Variants in SUPT3H observed in about 807,000 individuals in gnomAD.
SUPT3H encodes SPT3 homolog, SAGA and STAGA complex component, also known as transcription initiation protein SPT3 homolog.
SUPT3H carries 44 observed loss-of-function variants against 44.3 expected under a neutral mutation model. The ratio of observed to expected loss-of-function variants is 0.99; its 90% CI spans 0.78 to 1.28. SUPT3H has a LOEUF of 1.28. Ranked by LOEUF, SUPT3H falls within the 50% of genes most tolerant of loss-of-function variation. SUPT3H has a pLI of 0.00. For missense variants in SUPT3H, 380 were observed against 387.1 expected (o/e 0.98, Z 0.15); for synonymous variants, 124 against 125.6 (o/e 0.99, Z 0.09).
intron 3 of SUPT3H, among the ~76,000 whole-genome samples, chr6:45,067,690 C>T (rs1318859690): frequency 1.3e-5 from 2 of 150,036 alleles, no homozygotes; most frequent in Non-Finnish European, 3.0e-5. Flanking sequence ...GACATTTATG[C>T]AGCCAAGAAA....
chr6:45,167,380 T>TA (rs1429196415), intron 2 of SUPT3H, among the ~76,000 whole-genome samples: 49 of 152,210 alleles, frequency 3.2e-4, no homozygotes, highest in Admixed American at 3.2e-3. Context: ...TACTAAATGA[T>TA]AACTAAGCAC....
intron 2 of SUPT3H, chr6:45,322,827 A>AC: frequency 6.8e-7 from 1 of 1,460,200 alleles, no homozygotes; most frequent in Non-Finnish European, 9.6e-7. Flanking sequence ...ACTTTCTCCA[A>AC]CCACAGTTAG....
chr6:44,990,389 G>A (rs1780450219), intron 6 of SUPT3H, among the ~76,000 whole-genome samples: 1 of 152,086 alleles, frequency 6.6e-6, no homozygotes, highest in African/African-American at 2.4e-5. Context: ...AGTGTTGGAG[G>A]TGGGGCCTGG....
intron 2 of SUPT3H, among the ~76,000 whole-genome samples, chr6:45,262,375 G>T (rs1343061566): frequency 6.6e-6 from 1 of 152,008 alleles, no homozygotes; most frequent in Non-Finnish European, 1.5e-5. Flanking sequence ...ACAACCACCT[G>T]ATCTTCAACA....
chr6:45,188,731 T>C (rs941786887), intron 2 of SUPT3H, among the ~76,000 whole-genome samples: 6 of 152,076 alleles, frequency 3.9e-5, no homozygotes, highest in African/African-American at 9.7e-5. Flanking sequence ...CAACATCATT[T>C]CATGATTTAA....
intron 2 of SUPT3H, among the ~76,000 whole-genome samples, chr6:45,166,862 AGACT>A (rs981642279): frequency 2.0e-5 from 3 of 152,204 alleles, no homozygotes; most frequent in Admixed American, 6.5e-5. Context: ...AAAAGTTAAA[AGACT>A]GACAAGAGCA....
rs77114003 is a variant in SUPT3H at position 45,055,607 on chromosome 6, T to C, written c.187-34975A>G. On this transcript the variant is annotated intron_variant, in intron 3 of 10. Coordinates refer to ENST00000371459, the MANE Select transcript of SUPT3H (RefSeq NM_003599.4). The stretch of plus-strand genomic sequence containing the variant: ...TATTCAACAAATGGTGCTGGGATAA[T>C]TGGCAAGCTACACGTAGAAGAATGA... 3.9e-3 allele frequency among the ~76,000 whole-genome samples: 594 copies of C among 152,188 alleles called. 7 individuals carry two copies. The highest frequency in any genetic ancestry group is 0.014 in the African/African-American group (565 of 41,524).
At position 44,908,352 on chromosome 6, in the gene SUPT3H, C is replaced by T. The variant is rs146694561; in HGVS notation, c.912+24301G>A. ...AATTTTAGTAGAGACGGGGTTTTAC[C>T]GTGTTAGCCAGGATGGTCTCGATCT... On this transcript the variant is annotated intron_variant, in intron 10 of 10. Transcript: ENST00000371459. Among the ~76,000 whole-genome samples the T allele has an allele frequency of 9.8e-3, 1,485 of 151,906 alleles. 13 individuals are homozygous for T. The highest frequency in any genetic ancestry group is 0.015 in the Non-Finnish European group (1,036 of 67,946).
intron 2 of SUPT3H, among the ~76,000 whole-genome samples, chr6:45,179,406 C>A (rs1812673771): frequency 1.3e-5 from 2 of 152,162 alleles, no homozygotes; most frequent in South Asian, 2.1e-4. Flanking sequence ...GATACCAAAG[C>A]CGGGCAGAGA....
downstream of SUPT3H, among the ~76,000 whole-genome samples, chr6:44,822,778 A>ATT (rs1463658463): frequency 6.6e-5 from 10 of 152,228 alleles, no homozygotes; most frequent in Non-Finnish European, 7.3e-5. Flanking sequence ...AATTGATGAG[A>ATT]TTAAACAAAG....
In SUPT3H at chr6:45,350,506, G is replaced by A. The variant is rs561712833; in HGVS notation, c.101+14695C>T. ...GGAATTGGTTTACATTTTGGCTCAA[G>A]CTGCTTTCTCACAGAAGACCAATAA... On this transcript the variant is annotated intron_variant, in intron 2 of 10. Coordinates refer to ENST00000371459, the MANE Select transcript of SUPT3H (RefSeq NM_003599.4). Among the ~76,000 whole-genome samples, 18 of 152,296 alleles carry A rather than the reference G, an allele frequency of 1.2e-4. No individual in the cohort carries two copies. The East Asian group carries it at 3.3e-3, about 28-fold the overall frequency.
At chr6:45,098,596 C>T (rs1798121895) in intron 3 of SUPT3H, 1 of 331,132 alleles carries the variant, frequency 3.0e-6, no homozygotes, top group African/African-American at 2.2e-5. Context: ...CCAGATGATC[C>T]CCTTGCCAAT....
chr6:44,876,857 GA>G (rs1198321571), intron 10 of SUPT3H, among the ~76,000 whole-genome samples: 92 of 116,002 alleles, frequency 7.9e-4, no homozygotes, highest in African/African-American at 2.1e-3. Flanking sequence ...AAAAGAAAAA[GA>G]AAAAAAAAGT....
intron 2 of SUPT3H, among the ~76,000 whole-genome samples, chr6:45,224,289 C>G (rs947086433): frequency 6.6e-6 from 1 of 152,016 alleles, no homozygotes. Context: ...ATAAAATTCT[C>G]TCAATGGGAT....
intron 2 of SUPT3H, among the ~76,000 whole-genome samples, chr6:45,168,328 G>A (rs142918974): frequency 5.4e-4 from 82 of 152,044 alleles, no homozygotes; most frequent in African/African-American, 1.9e-3. Flanking sequence ...AAATTTTCTC[G>A]AATTTTGGAA....
At chr6:45,133,342 G>C (rs549978896) in intron 2 of SUPT3H, among the ~76,000 whole-genome samples, 3 of 152,208 alleles carry the variant, frequency 2.0e-5, no homozygotes, top group African/African-American at 7.2e-5. Flanking sequence ...TTCCCCAGCA[G>C]AACTGTTCTT....
rs892796977 is a variant in SUPT3H at position 45,136,606 on chromosome 6, T to TA, written c.102-30601dup. On this transcript the variant is annotated intron_variant, in intron 2 of 10. Transcript: ENST00000371459. ...ATGGAATATCAACAGAGACATTATT[T>TA]AAAAAAAAAAACAGAAATTCTGGAG... is the stretch of plus-strand genomic sequence containing the variant. 5.0e-3 allele frequency among the ~76,000 whole-genome samples: 722 copies of TA among 145,354 alleles called. 7 individuals are homozygous for TA. The highest frequency in any genetic ancestry group is 0.015 in the African/African-American group (583 of 39,800).
Position 44,849,220 on chromosome 6 carries a change from C to CTAATTTTTTTTTT in SUPT3H, c.913-19364_913-19363insAAAAAAAAAATTA, listed in dbSNP as rs746924269. On this transcript the variant is annotated intron_variant, in intron 10 of 10. Coordinates refer to ENST00000371459, the MANE Select transcript of SUPT3H (RefSeq NM_003599.4). Reference sequence around the variant, plus strand: ...TAGATATAAGCACTACAAATGAATACTTTTTTTTTTTTTTTTTTTTTTTTG... The same window carrying CTAATTTTTTTTTT: ...TAGATATAAGCACTACAAATGAATACTAATTTTTTTTTTTTTTTTTTTTTTTTTTTTTTTTTTG... Among the ~76,000 whole-genome samples the CTAATTTTTTTTTT allele has an allele frequency of 5.2e-5, 5 of 96,636 alleles. 1 individual carries two copies. Among genetic ancestry groups the CTAATTTTTTTTTT allele is most frequent in the Non-Finnish European group, 5.9e-5 (3 of 50,676 alleles). The allele number at this position is 96,636 out of a possible 152,430, so 63.4% of individuals were successfully genotyped here.
At chr6:45,157,554 T>C (rs528402630) in intron 2 of SUPT3H, among the ~76,000 whole-genome samples, 1 of 151,530 alleles carries the variant, frequency 6.6e-6, no homozygotes, top group Non-Finnish European at 1.5e-5. Flanking sequence ...TATATACATA[T>C]GTATTTCTTT....
Sources: allele counts gnomAD v4.1 joint callset (sites outside exome capture counted in the v4.1 genomes callset), GRCh38; gene constraint gnomAD v4.1.1; transcripts MANE v1.5; gene names NCBI Gene and HGNC (gene_info 2026-07-23, HGNC 2026-07-21).